The following PIWIL2 variants were observed in gnomAD, a reference collection of about 807,000 sequenced individuals.
The protein encoded by PIWIL2 is piwi like RNA-mediated gene silencing 2.
A neutral mutation model predicts 116.5 loss-of-function variants in PIWIL2; 81 were observed. The ratio of observed to expected loss-of-function variants is 0.70; its 90% CI spans 0.58 to 0.84. PIWIL2 has a LOEUF of 0.84. PIWIL2 is among the 40% of genes least tolerant of loss of function. The probability of loss-of-function intolerance (pLI) is 0.00; values close to 1 mark genes in which losing one functional copy is unlikely to be tolerated. For synonymous variants in PIWIL2, 489 were observed against 429.5 expected (o/e 1.14, Z -1.71); for missense variants, 1,272 against 1,212.3 (o/e 1.05, Z -0.73).
In PIWIL2 at chr8:22,355,674, G is replaced by C; in HGVS notation, c.*169G>C. 3.1e-6 allele frequency: 2 copies of C among 653,138 alleles called. No homozygotes were observed. The highest frequency in any genetic ancestry group is 5.8e-5 in the Admixed American group (2 of 34,304). The allele number at this position is 653,138 out of a possible 1,614,324, so 40.5% of individuals were successfully genotyped here. On this transcript the variant is annotated 3_prime_UTR_variant, in exon 23 of 23. Coordinates refer to ENST00000356766, the MANE Select transcript of PIWIL2 (RefSeq NM_018068.5). ...TGTCTTTTAAACCTAATATCACCAA[G>C]AAGCAAGTTTCTGAGTAACAGCTGA...
At position 22,356,806 on chromosome 8, in the gene PIWIL2, T is replaced by C. The variant is rs1563442926; in HGVS notation, c.*1301T>C. The C allele has an allele frequency of 6.6e-6, 1 of 152,208 alleles. No individual in the cohort carries two copies. Among genetic ancestry groups the C allele is most frequent in the South Asian group, 2.1e-4 (1 of 4,832 alleles). 9.4% of individuals were successfully genotyped at this position (152,208 alleles called of 1,614,324 possible). On this transcript the variant is annotated 3_prime_UTR_variant, in exon 23 of 23. Transcript: ENST00000356766. Reference sequence around the variant, plus strand: ...CAAAGTCCAGATGGTTAGAAAGTTATCACATACCATGGGTTTCAGTGTTTT... The same window carrying C: ...CAAAGTCCAGATGGTTAGAAAGTTACCACATACCATGGGTTTCAGTGTTTT...
At chr8:22,341,075 G>C (rs1282543850) in intron 20 of PIWIL2, among the ~76,000 whole-genome samples, 1 of 152,082 alleles carries the variant, frequency 6.6e-6, no homozygotes, top group East Asian at 1.9e-4. Flanking sequence ...GGAACCATCA[G>C]AGAATAAATC....
intron 20 of PIWIL2, among the ~76,000 whole-genome samples, chr8:22,346,097 A>G (rs1433201455): frequency 6.6e-6 from 1 of 152,182 alleles, no homozygotes; most frequent in African/African-American, 2.4e-5. Flanking sequence ...GCTGGCTCAC[A>G]TCTGTAATCC....
intron 10 of PIWIL2, among the ~76,000 whole-genome samples, chr8:22,293,374 C>G (rs917596821): frequency 2.0e-5 from 3 of 152,032 alleles, no homozygotes; most frequent in African/African-American, 7.2e-5. Flanking sequence ...AGTTTCACTC[C>G]TGTTGCCCAG....
intron 4 of PIWIL2, among the ~76,000 whole-genome samples, chr8:22,282,341 TCA>T (rs1032216816): frequency 3.9e-5 from 5 of 128,968 alleles, no homozygotes; most frequent in African/African-American, 1.4e-4. Context: ...AACCTCCGCC[TCA>T]CACCCAGCTA....
intron 10 of PIWIL2, among the ~76,000 whole-genome samples, chr8:22,301,084 G>A (rs995838390): frequency 6.6e-6 from 1 of 151,790 alleles, no homozygotes; most frequent in African/African-American, 2.4e-5. Context: ...GACTCAAGCA[G>A]TCCTCTCACC....
chr8:22,338,172 C>T (rs7823626), intron 20 of PIWIL2, among the ~76,000 whole-genome samples: 151,440 of 152,328 alleles, frequency 0.99, 75,288 homozygotes, highest in Non-Finnish European at 1. Flanking sequence ...ATTGTTAAGA[C>T]GCAATATTGA....
At chr8:22,334,608 G>C (rs1454829025) in intron 20 of PIWIL2, among the ~76,000 whole-genome samples, 1 of 151,868 alleles carries the variant, frequency 6.6e-6, no homozygotes, top group Non-Finnish European at 1.5e-5. Context: ...TAGTAGAGAC[G>C]GGGTTTCTCC....
intron 20 of PIWIL2, among the ~76,000 whole-genome samples, chr8:22,328,973 T>C (rs1374504159): frequency 6.6e-6 from 1 of 152,082 alleles, no homozygotes; most frequent in Non-Finnish European, 1.5e-5. Flanking sequence ...TCTTCCTTAA[T>C]TGTTATGGCT....
At chr8:22,278,461 A>C (rs113934489) in intron 1 of PIWIL2, among the ~76,000 whole-genome samples, 14 of 152,058 alleles carry the variant, frequency 9.2e-5, no homozygotes, top group African/African-American at 3.4e-4. Flanking sequence ...TCAAGGCTGC[A>C]GTGAGCCATG....
chr8:22,345,093 A>G (rs1292151847), intron 20 of PIWIL2, among the ~76,000 whole-genome samples: 1 of 152,242 alleles, frequency 6.6e-6, no homozygotes. Context: ...TGGAAGAGTC[A>G]CTTGAACCCG....
intron 20 of PIWIL2, among the ~76,000 whole-genome samples, chr8:22,322,143 C>T (rs757125151): frequency 6.6e-6 from 1 of 152,064 alleles, no homozygotes; most frequent in East Asian, 1.9e-4. Context: ...GCCTTGCTAG[C>T]TGTGTTACAT....
At chr8:22,278,574 A>G (rs1830429614) in intron 1 of PIWIL2, among the ~76,000 whole-genome samples, 1 of 152,192 alleles carries the variant, frequency 6.6e-6, no homozygotes, top group Admixed American at 6.5e-5. Flanking sequence ...GTTTTGTGAG[A>G]GGCTATTTGG....
rs553781989 is a variant in PIWIL2 at position 22,289,213 on chromosome 8, C to T, written c.986+547C>T. Among the ~76,000 whole-genome samples the T allele has an allele frequency of 9.5e-5, 14 of 147,280 alleles. No individual in the cohort carries two copies. The South Asian group carries it at 1.5e-3, about 16-fold the overall frequency. On this transcript the variant is annotated intron_variant, in intron 8 of 22. Coordinates refer to ENST00000356766, the MANE Select transcript of PIWIL2 (RefSeq NM_018068.5). Reference sequence around the variant, plus strand: ...CTGTCGCCAGGCTGTAGTGCAGTGGCGCAATCCCGGCTCACTGCAACCTCC... The same window carrying T: ...CTGTCGCCAGGCTGTAGTGCAGTGGTGCAATCCCGGCTCACTGCAACCTCC...
intron 20 of PIWIL2, among the ~76,000 whole-genome samples, chr8:22,321,153 T>G (rs920918381): frequency 4.6e-5 from 7 of 152,178 alleles, no homozygotes; most frequent in African/African-American, 1.7e-4. Context: ...AGAATAAAAC[T>G]GGCTCATCTG....
Position 22,298,260 on chromosome 8 carries a change from T to TA in PIWIL2, c.1182-5749dup, listed in dbSNP as rs1289766520. Among the ~76,000 whole-genome samples, 549 of 145,254 alleles carry TA rather than the reference T, an allele frequency of 3.8e-3. 5 individuals are homozygous for TA. Among genetic ancestry groups the TA allele is most frequent in the African/African-American group, 0.011 (447 of 39,750 alleles). On this transcript the variant is annotated intron_variant, in intron 10 of 22. Coordinates refer to ENST00000356766, the MANE Select transcript of PIWIL2 (RefSeq NM_018068.5). ...CTGGCCAATGGAGTGAGACCCTATT[T>TA]AAAAAAAAAAAAGGATAATGGCAAA... is the stretch of plus-strand genomic sequence containing the variant.
chr8:22,282,470 G>T (rs117607418), intron 4 of PIWIL2, among the ~76,000 whole-genome samples: 4 of 152,050 alleles, frequency 2.6e-5, no homozygotes, highest in Non-Finnish European at 5.9e-5. Flanking sequence ...TTATAGGCGT[G>T]AGCCCCTGCA....
intron 20 of PIWIL2, among the ~76,000 whole-genome samples, chr8:22,345,632 C>T (rs540316192): frequency 1.3e-4 from 20 of 152,170 alleles, no homozygotes; most frequent in African/African-American, 4.3e-4. Context: ...CCACTGCACT[C>T]CAGCCTGGGT....
chr8:22,280,104 G>T (rs1415296407), intron 2 of PIWIL2, among the ~76,000 whole-genome samples: 2 of 152,100 alleles, frequency 1.3e-5, no homozygotes, highest in Non-Finnish European at 2.9e-5. Flanking sequence ...CATAATGAGC[G>T]CTAGATGGAC....
Sources: allele counts gnomAD v4.1 joint callset (sites outside exome capture counted in the v4.1 genomes callset), GRCh38; gene constraint gnomAD v4.1.1; transcripts MANE v1.5; gene names NCBI Gene and HGNC (gene_info 2026-07-23, HGNC 2026-07-21).